PITPNC1: variants seen among roughly 807,000 people sequenced by gnomAD.
PITPNC1 encodes the protein cytoplasmic phosphatidylinositol transfer protein 1.
PITPNC1 carries 18 observed loss-of-function variants against 44.7 expected under a neutral mutation model. The ratio of observed to expected loss-of-function variants is 0.40; its 90% confidence interval spans 0.28 to 0.60. The LOEUF (loss-of-function observed/expected upper bound fraction) is 0.60. PITPNC1 is among the 20% of genes least tolerant of loss of function. PITPNC1 has a pLI of 0.39. For missense variants in PITPNC1, 290 were observed against 418.4 expected (o/e 0.69, Z 2.68); for synonymous variants, 141 against 149.6 (o/e 0.94, Z 0.42).
chr17:67,473,810 A>G (rs375853039), intron 1 of PITPNC1, among the ~76,000 whole-genome samples: 7 of 152,298 alleles, frequency 4.6e-5, no homozygotes, highest in South Asian at 2.1e-4. Context: ...AAGTTTGCCC[A>G]TGAACTTAAC....
intron 1 of PITPNC1, among the ~76,000 whole-genome samples, chr17:67,437,910 A>G (rs373344071): frequency 6.6e-6 from 1 of 152,084 alleles, no homozygotes; most frequent in Admixed American, 6.5e-5. Context: ...TCTACTAAAA[A>G]TTACAAAATT....
intron 1 of PITPNC1, among the ~76,000 whole-genome samples, chr17:67,470,382 C>T (rs1417601915): frequency 6.6e-6 from 1 of 152,206 alleles, no homozygotes; most frequent in East Asian, 1.9e-4. Flanking sequence ...TTTTAGCTGT[C>T]AATTACTTCT....
At chr17:67,423,469 G>A (rs2038699902) in intron 1 of PITPNC1, among the ~76,000 whole-genome samples, 1 of 152,116 alleles carries the variant, frequency 6.6e-6, no homozygotes, top group African/African-American at 2.4e-5. Flanking sequence ...GAGAGGTGGC[G>A]AAACCTGAAT....
intron 1 of PITPNC1, among the ~76,000 whole-genome samples, chr17:67,387,205 T>C (rs1199018755): frequency 6.6e-6 from 1 of 152,206 alleles, no homozygotes; most frequent in Non-Finnish European, 1.5e-5. Flanking sequence ...TGTGATGGCC[T>C]GCAACTGACC....
At chr17:67,449,865 T>C (rs974791851) in intron 1 of PITPNC1, among the ~76,000 whole-genome samples, 5 of 152,222 alleles carry the variant, frequency 3.3e-5, no homozygotes, top group Admixed American at 1.3e-4. Flanking sequence ...AAAAAAATTC[T>C]TTTTGCAGAG....
intron 5 of PITPNC1, chr17:67,611,614 C>T (rs2041688396): frequency 6.6e-6 from 1 of 152,520 alleles, no homozygotes; most frequent in Non-Finnish European, 1.5e-5. Flanking sequence ...GCTGGGATTA[C>T]AGGCATGTGC....
At chr17:67,517,004 T>G (rs532955875) in intron 1 of PITPNC1, among the ~76,000 whole-genome samples, 21 of 152,340 alleles carry the variant, frequency 1.4e-4, no homozygotes, top group Admixed American at 1.2e-3. Flanking sequence ...TCCTACCCCT[T>G]GCACCCTTTC....
At chr17:67,656,194 C>T (rs1024620649) in intron 6 of PITPNC1, among the ~76,000 whole-genome samples, 6 of 152,214 alleles carry the variant, frequency 3.9e-5, no homozygotes, top group Middle Eastern at 3.2e-3. Context: ...CCTTGCTCTT[C>T]TGTCTGGACC....
chr17:67,547,086 G>A (rs1263809872), intron 2 of PITPNC1, among the ~76,000 whole-genome samples: 1 of 152,184 alleles, frequency 6.6e-6, no homozygotes, highest in Non-Finnish European at 1.5e-5. Context: ...GAGAAATGAG[G>A]ATATGAAGGT....
intron 6 of PITPNC1, among the ~76,000 whole-genome samples, chr17:67,636,812 C>T (rs920228927): frequency 2.0e-5 from 3 of 152,140 alleles, no homozygotes; most frequent in Admixed American, 1.3e-4. Flanking sequence ...ATTCAGAAGG[C>T]AAACCATTTC....
chr17:67,425,330 C>A (rs140495472), intron 1 of PITPNC1, among the ~76,000 whole-genome samples: 3 of 150,930 alleles, frequency 2.0e-5, no homozygotes, highest in East Asian at 2.0e-4. Flanking sequence ...GGAGAATGAA[C>A]CCCTCAGAAA....
At chr17:67,548,307 C>T (rs1420142201) in intron 2 of PITPNC1, among the ~76,000 whole-genome samples, 2 of 152,064 alleles carry the variant, frequency 1.3e-5, no homozygotes, top group Admixed American at 1.3e-4. Context: ...AGTAAGAACC[C>T]GGGCTGGCCA....
intron 1 of PITPNC1, among the ~76,000 whole-genome samples, chr17:67,386,525 C>T (rs1376890787): frequency 6.6e-6 from 1 of 152,130 alleles, no homozygotes; most frequent in Non-Finnish European, 1.5e-5. Context: ...AACATTCAAC[C>T]TCTTTAAGAG....
At chr17:67,614,962 A>G (rs1253395863) in intron 5 of PITPNC1, among the ~76,000 whole-genome samples, 1 of 152,176 alleles carries the variant, frequency 6.6e-6, no homozygotes, top group East Asian at 1.9e-4. Flanking sequence ...CATTGGGGAA[A>G]AATAGAAACA....
intron 1 of PITPNC1, among the ~76,000 whole-genome samples, chr17:67,527,683 A>G (rs560359956): frequency 6.6e-6 from 1 of 152,026 alleles, no homozygotes; most frequent in African/African-American, 2.4e-5. Context: ...CCTGGGAGAC[A>G]GAGCGAGACT....
intron 1 of PITPNC1, among the ~76,000 whole-genome samples, chr17:67,442,299 C>T (rs577113484): frequency 1.7e-4 from 23 of 138,054 alleles, no homozygotes; most frequent in African/African-American, 6.1e-4. Context: ...GTTAATGAAG[C>T]TCTACAATGA....
At chr17:67,527,209 C>T (rs936690475) in intron 1 of PITPNC1, among the ~76,000 whole-genome samples, 2 of 102,466 alleles carry the variant, frequency 2.0e-5, no homozygotes, top group Non-Finnish European at 2.2e-5. Context: ...TAAATCATCA[C>T]GAGGCCTAGA....
chr17:67,625,860 T>G (rs1357470476), intron 5 of PITPNC1, among the ~76,000 whole-genome samples: 3 of 152,184 alleles, frequency 2.0e-5, no homozygotes, highest in African/African-American at 7.2e-5. Flanking sequence ...AGATCTCTGA[T>G]GATCAGATGA....
At chr17:67,434,499 G>T (rs771992128) in intron 1 of PITPNC1, among the ~76,000 whole-genome samples, 8 of 152,272 alleles carry the variant, frequency 5.3e-5, no homozygotes, top group African/African-American at 1.4e-4. Context: ...TGGTAGAGGG[G>T]CAGGCTGTGC....
Sources: gnomAD v4.1 joint callset for allele counts (sites outside exome capture counted in the v4.1 genomes callset) on GRCh38, gnomAD v4.1.1 for gene constraint, MANE v1.5 for transcripts, NCBI Gene and HGNC (gene_info 2026-07-23, HGNC 2026-07-21) for gene names.